PTPRN: variants seen among roughly 807,000 people sequenced by gnomAD.
The protein encoded by PTPRN is protein tyrosine phosphatase receptor type N, also known as receptor-type tyrosine-protein phosphatase-like N.
Under a neutral mutation model 108.5 loss-of-function variants are expected in PTPRN, and 70 were observed. The observed-to-expected ratio is 0.65, with a 90% confidence interval of 0.53 to 0.79. PTPRN has a LOEUF of 0.79. Ranked by LOEUF, PTPRN falls within the 30% of genes least tolerant of loss-of-function variation. The pLI, the probability that PTPRN is intolerant of heterozygous loss-of-function variation, is 0.00. For missense variants in PTPRN, 1,136 were observed against 1,295.5 expected (o/e 0.88, Z 1.89); for synonymous variants, 496 against 524.6 (o/e 0.95, Z 0.75).
In PTPRN at chr2:219,290,102, T is replaced by C. The variant is rs1952019109; in HGVS notation, c.*124A>G. The C allele has an allele frequency of 1.1e-6, 1 of 945,560 alleles. No individual in the cohort carries two copies. The highest frequency in any genetic ancestry group is 1.6e-5 in the African/African-American group (1 of 61,754). 58.6% of individuals were successfully genotyped at this position (945,560 alleles called of 1,614,324 possible). On this transcript the variant is annotated 3_prime_UTR_variant, in exon 23 of 23. Coordinates refer to ENST00000295718, the MANE Select transcript of PTPRN (RefSeq NM_002846.4). This position sits in a 1 kb window ranked among gnomAD's most constrained non-coding sequence, Gnocchi z 4.2. ...CCTTCTGGCTTTCCCTTCCTGACTC[T>C]TCTAGGAAGGGCTGAGCATGCCCAA...
Position 219,294,967 on chromosome 2 carries a change from G to T in PTPRN, c.2675+8C>A. 1 of 1,554,004 alleles carries T rather than the reference G, an allele frequency of 6.4e-7. No homozygotes were observed. The highest frequency in any genetic ancestry group is 1.2e-5 in the South Asian group (1 of 84,048). ...GCGGTCCCTCCAGGCGGGGGCGCCC[G>T]CGCTCACCTGCGGAAGTCCAGCAGG... On this transcript the variant is annotated splice_region_variant and intron_variant, in intron 19 of 22. Coordinates refer to ENST00000295718, the MANE Select transcript of PTPRN (RefSeq NM_002846.4).
At position 219,290,945 on chromosome 2, in the gene PTPRN, G is replaced by A. The variant is rs1952040087; in HGVS notation, c.2730-55C>T. The A allele has an allele frequency of 3.2e-6, 5 of 1,563,950 alleles. No homozygotes were observed. In the Admixed American group the frequency reaches 8.3e-5, roughly 26 times the overall value. On this transcript the variant is annotated intron_variant, in intron 20 of 22. Transcript: ENST00000295718. This position sits in a 1 kb window ranked among gnomAD's most constrained non-coding sequence, Gnocchi z 4.2. ...TTGAGATGCAGCAGAAAGGGGGAGG[G>A]ACGGAGGAGGCGAGGAGGCCTGGAG...
Position 219,295,617 on chromosome 2 carries a change from A to T in PTPRN, c.2509-476T>A, listed in dbSNP as rs149206262. On this transcript the variant is annotated intron_variant, in intron 18 of 22. Coordinates refer to ENST00000295718, the MANE Select transcript of PTPRN (RefSeq NM_002846.4). ...TTAAGGTTTTTTTGTCTTAGTGGGG[A>T]CTCACGTTCTCCCATTTGTCTGAAA... 533 of 154,560 alleles carry T rather than the reference A, an allele frequency of 3.4e-3. 5 individuals carry two copies. Among genetic ancestry groups the T allele is most frequent in the East Asian group, 0.032 (164 of 5,196 alleles). 9.6% of individuals were successfully genotyped at this position (154,560 alleles called of 1,614,324 possible).
Position 219,309,357 on chromosome 2 carries a change from C to T in PTPRN, c.-25G>A. ...TCTTTCCGAGCTCCGGGCGCTCGCTCCCGGGCCGGAGCCGCAGCGACGCTG... is the reference window on the plus strand; with the variant it reads ...TCTTTCCGAGCTCCGGGCGCTCGCTTCCGGGCCGGAGCCGCAGCGACGCTG... On this transcript the variant is annotated 5_prime_UTR_variant, in exon 1 of 23. Coordinates refer to ENST00000295718, the MANE Select transcript of PTPRN (RefSeq NM_002846.4). 7.8e-7 allele frequency: 1 copy of T among 1,283,462 alleles called. No individual in the cohort carries two copies. 79.5% of individuals were successfully genotyped at this position (1,283,462 alleles called of 1,614,324 possible). A position where few individuals can be genotyped will look rare whatever the true frequency, so the allele number is the denominator to read the frequency against.
rs778242038 is a variant in PTPRN at position 219,297,261 on chromosome 2, A to G, written c.2060T>C (p.Met687Thr). The change falls in exon 14 of 23, where the codon ATG becomes ACG. Residue 687 changes from methionine to threonine, a missense_variant. Transcript: ENST00000295718. This position sits in a 1 kb window ranked among gnomAD's most constrained non-coding sequence, Gnocchi z 6.0. ...SWCEEPAQAN[M>T]DISTGHMILA... ...AATCATGTGTCCCGTGGAGATGTCC[A>G]TGTTGGCTTGGGCCGGCTCCTCGCA... 3 of 1,614,064 alleles carry G rather than the reference A, an allele frequency of 1.9e-6. No homozygotes were observed. The highest frequency in any genetic ancestry group is 1.7e-6 in the Non-Finnish European group (2 of 1,180,010).
chr2:219,296,387 G>C lies in PTPRN; in HGVS notation c.2389-42C>G. ...AGTTGAGCTCCACTCTAACCTCCCT[G>C]GGACCTCGTGGCCACAAGGACCCCA... On this transcript the variant is annotated intron_variant, in intron 17 of 22. Coordinates refer to ENST00000295718, the MANE Select transcript of PTPRN (RefSeq NM_002846.4). The surrounding 1 kb of genome is among the most constrained non-coding windows in gnomAD (Gnocchi z 6.0). The C allele has an allele frequency of 6.2e-7, 1 of 1,614,044 alleles. No homozygotes were observed. The highest frequency in any genetic ancestry group is 8.5e-7 in the Non-Finnish European group (1 of 1,179,954).
intron 1 of PTPRN, 190 bp downstream of exon 1, chr2:219,309,028 C>T: frequency 6.5e-7 from 1 of 1,535,406 alleles, no homozygotes; most frequent in Non-Finnish European, 8.8e-7. Context: ...CCCGTATTCC[C>T]AGCCCCACCT....
intron 12 of PTPRN, 32 bp from the exon 13 acceptor site, chr2:219,298,135 A>G (rs771713600): frequency 6.3e-7 from 1 of 1,599,926 alleles, no homozygotes; most frequent in Admixed American, 1.7e-5. Flanking sequence ...CAAGGGAGGC[A>G]GTGGCATAGG....
chr2:219,301,753 TTGC>T (rs1488659026), intron 6 of PTPRN, 34 bp from the exon 7 acceptor site: 30 of 1,586,448 alleles, frequency 1.9e-5, no homozygotes, highest in Middle Eastern at 3.4e-4. Context: ...TTAGGGCTGA[TTGC>T]GCAGTGAACT....
chr2:219,303,306 T>G (rs1052433399), intron 4 of PTPRN, among the ~76,000 whole-genome samples: 2 of 152,194 alleles, frequency 1.3e-5, no homozygotes, highest in African/African-American at 4.8e-5. Context: ...CTGAGCTCCC[T>G]AAACCTCATT....
intron 12 of PTPRN, among the ~76,000 whole-genome samples, chr2:219,298,318 C>T (rs1486351599): frequency 6.6e-6 from 1 of 152,198 alleles, no homozygotes; most frequent in African/African-American, 2.4e-5. Context: ...GAGGCCCCCA[C>T]CAGGAGTGTT....
chr2:219,305,790 C>T (rs1352655964), intron 3 of PTPRN, among the ~76,000 whole-genome samples: 2 of 152,158 alleles, frequency 1.3e-5, no homozygotes, highest in African/African-American at 4.8e-5. Flanking sequence ...CCAAGTTGAA[C>T]CATTTGCAAG....
chr2:219,292,847 A>G (rs1952081873), intron 19 of PTPRN: 2 of 152,214 alleles, frequency 1.3e-5, no homozygotes, highest in South Asian at 4.1e-4. Flanking sequence ...AGATTCTCAC[A>G]GAAGTGCGAA....
chr2:219,291,703 G>T, intron 19 of PTPRN, 180 bp from the exon 20 acceptor site: 1 of 647,170 alleles, frequency 1.5e-6, no homozygotes, highest in Non-Finnish European at 2.7e-6. Flanking sequence ...GGTGTGGGTG[G>T]CATTGGGCTC....
Position 219,297,568 on chromosome 2 carries a change from C to T in PTPRN, c.1888-135G>A. ...CTCAGCTCCTCTGGGGTATGGTCTT[C>T]TGCCTGGCCCTGATCCTTTCCAGGG... is the stretch of plus-strand genomic sequence containing the variant. On this transcript the variant is annotated intron_variant, in intron 13 of 22. Coordinates refer to ENST00000295718, the MANE Select transcript of PTPRN (RefSeq NM_002846.4). The surrounding 1 kb of genome is among the most constrained non-coding windows in gnomAD (Gnocchi z 6.0). 1 of 882,686 alleles carries T rather than the reference C, an allele frequency of 1.1e-6. No individual in the cohort carries two copies. Among genetic ancestry groups the T allele is most frequent in the Non-Finnish European group, 1.7e-6 (1 of 581,462 alleles). 54.7% of individuals were successfully genotyped at this position (882,686 alleles called of 1,614,324 possible). A position where few individuals can be genotyped will look rare whatever the true frequency, so the allele number is the denominator to read the frequency against.
In PTPRN at chr2:219,296,699, G is replaced by A. The variant is rs1231734113; in HGVS notation, c.2310+50C>T. ...ACCACGGGGAAATGGAGTGCATAGG[G>A]CCAGGATAATGATGGGGCAGAGGTG... On this transcript the variant is annotated intron_variant, in intron 16 of 22. Transcript: ENST00000295718. The surrounding 1 kb of genome is among the most constrained non-coding windows in gnomAD (Gnocchi z 6.0). The A allele has an allele frequency of 5.0e-6, 8 of 1,604,126 alleles. No homozygotes were observed. The highest frequency in any genetic ancestry group is 1.3e-5 in the African/African-American group (1 of 74,626).
At chr2:219,303,964 G>T in intron 3 of PTPRN, 133 bp from the exon 4 acceptor site, 1 of 619,296 alleles carries the variant, frequency 1.6e-6, no homozygotes, top group Non-Finnish European at 2.7e-6. Flanking sequence ...CAAACTCAGT[G>T]GGTGATCTGA....
intron 19 of PTPRN, 78 bp downstream of exon 19, chr2:219,294,897 C>A (rs935299838): frequency 1.9e-5 from 25 of 1,348,928 alleles, no homozygotes; most frequent in East Asian, 6.0e-5. Flanking sequence ...CGACCCGGGG[C>A]TCCAGGCCGA....
chr2:219,300,417 T>G (rs1319736823), intron 8 of PTPRN, 158 bp from the exon 9 acceptor site: 1 of 669,510 alleles, frequency 1.5e-6, no homozygotes, highest in Non-Finnish European at 2.4e-6. Flanking sequence ...CCAGAGCATC[T>G]GAGACAAGTA....
Sources: gnomAD v4.1 joint callset for allele counts (sites outside exome capture counted in the v4.1 genomes callset) on GRCh38, gnomAD v4.1.1 for gene constraint, Gnocchi (gnomAD v3.1) non-coding constraint, MANE v1.5 for transcripts, NCBI Gene and HGNC (gene_info 2026-07-23, HGNC 2026-07-21) for gene names.